POLA1: variants seen among roughly 807,000 people sequenced by gnomAD.
POLA1 encodes DNA polymerase alpha 1, catalytic subunit.
POLA1 carries 15 observed loss-of-function variants against 124.0 expected under a neutral mutation model. The ratio of observed to expected loss-of-function variants is 0.12; its 90% CI spans 0.08 to 0.19. POLA1 has a LOEUF of 0.19. Among genes scored for constraint, POLA1 ranks in the 10% least tolerant of loss-of-function variants. POLA1 has a pLI of 1.00. For missense variants in POLA1, 886 were observed against 1,103.4 expected (o/e 0.80, Z 2.79); for synonymous variants, 408 against 389.4 (o/e 1.05, Z -0.56).
chrX:24,995,082 A>G (rs979496372), intron 36 of POLA1, among the ~76,000 whole-genome samples: 4 of 110,966 alleles, frequency 3.6e-5, no homozygotes, highest in African/African-American at 1.3e-4. Context: ...AAGAAAAAAA[A>G]CAACATGTAG....
chrX:24,984,906 C>T (rs904019621), intron 36 of POLA1, among the ~76,000 whole-genome samples: 1 of 110,596 alleles, frequency 9.0e-6, no homozygotes, highest in Non-Finnish European at 1.9e-5. Flanking sequence ...ATGATCCGCC[C>T]GCCTCGGCCT....
chrX:24,747,752 TAA>T (rs2148403762), intron 24 of POLA1, among the ~76,000 whole-genome samples: 1 of 105,793 alleles, frequency 9.5e-6, no homozygotes, highest in African/African-American at 3.5e-5. Context: ...TTTTTTTTTT[TAA>T]GACAGAGTTT....
At chrX:24,735,216 C>T (rs1931197229) in intron 17 of POLA1, among the ~76,000 whole-genome samples, 183 bp from the exon 18 acceptor site, 1 of 112,178 alleles carries the variant, frequency 8.9e-6, no homozygotes, top group African/African-American at 3.2e-5. Context: ...GAATGAGCTC[C>T]TCAGAGACTT....
chrX:24,906,435 A>G (rs2047366620), intron 35 of POLA1, among the ~76,000 whole-genome samples: 1 of 110,289 alleles, frequency 9.1e-6, no homozygotes, highest in Non-Finnish European at 1.9e-5. Context: ...GTTCTCACTT[A>G]TAAGTGGGTA....
chrX:24,809,878 T>A lies in POLA1; in HGVS notation c.2965-20T>A. Reference sequence around the variant, plus strand: ...TTTATAATTGTGTAACTTATTAATCTTGACTTTTGTTTCATTTAGATTTTG... The same window carrying A: ...TTTATAATTGTGTAACTTATTAATCATGACTTTTGTTTCATTTAGATTTTG... On this transcript the variant is annotated intron_variant, in intron 26 of 36. Coordinates refer to ENST00000379068, the MANE Select transcript of POLA1 (RefSeq NM_001330360.2). The A allele has an allele frequency of 1.0e-6, 1 of 1,003,172 alleles. No homozygotes were observed. Among genetic ancestry groups the A allele is most frequent in the East Asian group, 3.2e-5 (1 of 31,724 alleles). The allele number at this position is 1,003,172 out of a possible 1,213,427, so 82.7% of individuals were successfully genotyped here. A position where few individuals can be genotyped will look rare whatever the true frequency, so the allele number is the denominator to read the frequency against.
chrX:24,938,864 G>A (rs971469209), intron 36 of POLA1, among the ~76,000 whole-genome samples: 2 of 112,544 alleles, frequency 1.8e-5, no homozygotes, highest in African/African-American at 3.2e-5. Context: ...TTCCCCATAA[G>A]TAGAAGTGTC....
At chrX:24,895,053 C>A (rs1034871975) in intron 35 of POLA1, among the ~76,000 whole-genome samples, 1 of 111,192 alleles carries the variant, frequency 9.0e-6, no homozygotes, top group Non-Finnish European at 1.9e-5. Flanking sequence ...AGATTACAAG[C>A]ATGAGCCACT....
chrX:24,968,481 C>T lies in POLA1; in HGVS notation c.4262-27324C>T, dbSNP rs772885042. On this transcript the variant is annotated intron_variant, in intron 36 of 36. Transcript: ENST00000379068. ...TTGGGAGGCCAAGGCGGGCGGATCA[C>T]AAGGTCAGGAGATTGAGACCATCCT... 4.6e-4 allele frequency among the ~76,000 whole-genome samples: 51 copies of T among 111,390 alleles called. No individual in the cohort carries two copies. The South Asian group carries it at 0.01, about 22-fold the overall frequency.
intron 30 of POLA1, among the ~76,000 whole-genome samples, chrX:24,815,732 A>G (rs184338274): frequency 3.6e-5 from 4 of 111,774 alleles, no homozygotes; most frequent in East Asian, 2.8e-4. Context: ...TGCAAATACA[A>G]TGCTACCCAT....
intron 15 of POLA1, among the ~76,000 whole-genome samples, chrX:24,728,785 A>G (rs775872219): frequency 9.8e-5 from 11 of 112,118 alleles, no homozygotes; most frequent in Non-Finnish European, 2.1e-4. Flanking sequence ...GCATGTTTAC[A>G]GCTGCTTTTG....
chrX:24,942,212 C>T (rs1452271909), intron 36 of POLA1, among the ~76,000 whole-genome samples: 1 of 112,115 alleles, frequency 8.9e-6, no homozygotes, highest in Admixed American at 9.5e-5. Flanking sequence ...CCATTGTATA[C>T]GGATATGTAG....
intron 36 of POLA1, among the ~76,000 whole-genome samples, chrX:24,979,284 T>G (rs1377976113): frequency 8.9e-6 from 1 of 112,221 alleles, no homozygotes; most frequent in Admixed American, 9.4e-5. Context: ...ACCAGGTCAC[T>G]GAAACCTAAA....
chrX:24,848,684 G>A (rs1219235757), intron 34 of POLA1, among the ~76,000 whole-genome samples: 1 of 112,063 alleles, frequency 8.9e-6, no homozygotes, highest in Non-Finnish European at 1.9e-5. Flanking sequence ...TACCCATTTA[G>A]CATCACAAGT....
chrX:24,927,058 G>A (rs950757321), intron 35 of POLA1, among the ~76,000 whole-genome samples: 8 of 107,886 alleles, frequency 7.4e-5, no homozygotes, highest in Non-Finnish European at 1.9e-5. Context: ...GGCTGGTCTC[G>A]AACTCCTGAC....
At chrX:24,732,653 T>C (rs1458985477) in intron 16 of POLA1, among the ~76,000 whole-genome samples, 199 bp downstream of exon 16, 1 of 106,916 alleles carries the variant, frequency 9.4e-6, no homozygotes, top group Admixed American at 1.0e-4. Context: ...TTGCCTCCTA[T>C]TCAGCTGGTT....
intron 34 of POLA1, among the ~76,000 whole-genome samples, chrX:24,856,225 C>T (rs2046643401): frequency 8.9e-6 from 1 of 112,120 alleles, no homozygotes; most frequent in Non-Finnish European, 1.9e-5. Flanking sequence ...CCACTCCTAA[C>T]TCTGTCAACT....
intron 26 of POLA1, among the ~76,000 whole-genome samples, chrX:24,790,243 A>G (rs1378642991): frequency 8.9e-6 from 1 of 112,056 alleles, no homozygotes. Context: ...ACGTCATAGA[A>G]ACTATAGTTG....
chrX:24,957,678 G>T (rs2048122008), intron 36 of POLA1, among the ~76,000 whole-genome samples: 1 of 111,893 alleles, frequency 8.9e-6, no homozygotes, highest in East Asian at 2.8e-4. Context: ...TATAGTAAAA[G>T]TATAATATGC....
rs368305135 is a variant in POLA1, at chrX:24,788,582, C to G, written c.2965-21316C>G. 62 of 1,188,919 alleles carry G rather than the reference C, an allele frequency of 5.2e-5. No individual in the cohort carries two copies. In the African/African-American group the frequency reaches 1.1e-3, roughly 21 times the overall value. On this transcript the variant is annotated intron_variant, in intron 26 of 36. Transcript: ENST00000379068. ...GACTAAGCCGTCTGCTTGAATGCTT[C>G]TGACGCGCTCCTCTAATTTCGCCAT...
Sources: allele counts gnomAD v4.1 joint callset (sites outside exome capture counted in the v4.1 genomes callset), GRCh38; gene constraint gnomAD v4.1.1; transcripts MANE v1.5; gene names NCBI Gene and HGNC (gene_info 2026-07-23, HGNC 2026-07-21).